Variants in SNTG1 observed in about 807,000 individuals in gnomAD.
The protein encoded by SNTG1 is syntrophin gamma 1.
SNTG1 carries 39 observed loss-of-function variants against 74.7 expected under a neutral mutation model. The ratio of observed to expected loss-of-function variants is 0.52; its 90% confidence interval spans 0.40 to 0.68. The LOEUF (loss-of-function observed/expected upper bound fraction) is 0.68, where lower values mean the gene tolerates loss of function less well. Ranked by LOEUF, SNTG1 falls within the 30% of genes least tolerant of loss-of-function variation. SNTG1 has a pLI of 0.00. For synonymous variants in SNTG1, 254 were observed against 217.1 expected (o/e 1.17, Z -1.49); for missense variants, 685 against 609.5 (o/e 1.12, Z -1.30).
chr8:50,348,788 T>C (rs2091559732), intron 2 of SNTG1, among the ~76,000 whole-genome samples: 1 of 152,226 alleles, frequency 6.6e-6, no homozygotes, highest in Non-Finnish European at 1.5e-5. Context: ...GGAAGGAATG[T>C]AAACAGAAAA....
chr8:50,168,810 A>G (rs1044483894), intron 1 of SNTG1, among the ~76,000 whole-genome samples: 9 of 152,322 alleles, frequency 5.9e-5, no homozygotes, highest in African/African-American at 2.2e-4. Context: ...TTGCAAAGAA[A>G]TCTACAGAGA....
intron 15 of SNTG1, among the ~76,000 whole-genome samples, chr8:50,669,670 A>G (rs946441456): frequency 2.8e-4 from 43 of 152,312 alleles, no homozygotes; most frequent in South Asian, 4.1e-4. Context: ...AAAAAGAGGG[A>G]ATCCTCCCTA....
intron 2 of SNTG1, among the ~76,000 whole-genome samples, chr8:50,340,250 A>G (rs1316464484): frequency 6.6e-6 from 1 of 152,050 alleles, no homozygotes; most frequent in African/African-American, 2.4e-5. Flanking sequence ...GCAAAAGCCC[A>G]GAATGGCTAA....
chr8:50,298,738 A>T (rs2089505307), intron 2 of SNTG1, among the ~76,000 whole-genome samples: 2 of 152,218 alleles, frequency 1.3e-5, no homozygotes, highest in Admixed American at 1.3e-4. Context: ...TTGTATGTGA[A>T]GAGTGAAATG....
At chr8:50,387,896 C>T (rs1459319540) in intron 2 of SNTG1, among the ~76,000 whole-genome samples, 4 of 152,104 alleles carry the variant, frequency 2.6e-5, no homozygotes, top group Non-Finnish European at 5.9e-5. Flanking sequence ...CACTCTACCA[C>T]CAAAGAAGAC....
At chr8:50,733,534 T>G (rs2131628676) in intron 17 of SNTG1, among the ~76,000 whole-genome samples, 1 of 152,188 alleles carries the variant, frequency 6.6e-6, no homozygotes, top group Admixed American at 6.6e-5. Context: ...TGGTGCAAAT[T>G]TACATTCCCA....
chr8:50,495,039 T>C (rs1421878588), intron 8 of SNTG1, among the ~76,000 whole-genome samples: 2 of 152,132 alleles, frequency 1.3e-5, no homozygotes, highest in Non-Finnish European at 2.9e-5. Context: ...CAAACATTAT[T>C]GCATAATTAT....
intron 8 of SNTG1, among the ~76,000 whole-genome samples, chr8:50,455,320 G>A (rs57692131): frequency 0.068 from 10,409 of 152,176 alleles, 414 homozygotes; most frequent in Middle Eastern, 0.15. Context: ...TCAGACTTGA[G>A]ATTTATGGGT....
chr8:50,240,447 C>T (rs1178440434), intron 2 of SNTG1, among the ~76,000 whole-genome samples: 1 of 152,176 alleles, frequency 6.6e-6, no homozygotes, highest in Admixed American at 6.6e-5. Context: ...TCTTTAGTTA[C>T]ATTTGAAATA....
At chr8:50,181,738 C>T (rs1453615842) in intron 2 of SNTG1, among the ~76,000 whole-genome samples, 1 of 152,058 alleles carries the variant, frequency 6.6e-6, no homozygotes, top group African/African-American at 2.4e-5. Context: ...TAACATTTCT[C>T]AGTGATGGAT....
At chr8:50,385,778 C>G (rs527506937) in intron 2 of SNTG1, among the ~76,000 whole-genome samples, 1 of 152,138 alleles carries the variant, frequency 6.6e-6, no homozygotes, top group African/African-American at 2.4e-5. Flanking sequence ...ATGCCAGGTA[C>G]CAAGGGATAT....
chr8:50,341,986 A>G (rs188575342), intron 2 of SNTG1, among the ~76,000 whole-genome samples: 1 of 152,170 alleles, frequency 6.6e-6, no homozygotes, highest in East Asian at 1.9e-4. Flanking sequence ...TTTCTATTCC[A>G]AATATTGTGC....
chr8:50,065,722 G>A (rs1820844293), intron 1 of SNTG1, among the ~76,000 whole-genome samples: 1 of 152,146 alleles, frequency 6.6e-6, no homozygotes, highest in African/African-American at 2.4e-5. Flanking sequence ...AAATATAGGA[G>A]CTTAAGTTCT....
intron 2 of SNTG1, among the ~76,000 whole-genome samples, chr8:50,241,255 A>G (rs2086150690): frequency 6.6e-6 from 1 of 152,216 alleles, no homozygotes; most frequent in South Asian, 2.1e-4. Context: ...CTACTGATTT[A>G]TGTGAACCTA....
chr8:50,779,045 G>T (rs200988162), intron 18 of SNTG1, among the ~76,000 whole-genome samples: 3 of 152,042 alleles, frequency 2.0e-5, no homozygotes, highest in Admixed American at 1.3e-4. Flanking sequence ...GGGCTCTGTT[G>T]TGTTCCATTG....
intron 2 of SNTG1, among the ~76,000 whole-genome samples, chr8:50,281,369 G>A (rs771200153): frequency 6.6e-6 from 1 of 152,244 alleles, no homozygotes; most frequent in Non-Finnish European, 1.5e-5. Context: ...TGGTTCATAG[G>A]GGGGTTCATT....
chr8:50,261,759 A>G (rs2087204065), intron 2 of SNTG1, among the ~76,000 whole-genome samples: 1 of 152,186 alleles, frequency 6.6e-6, no homozygotes, highest in African/African-American at 2.4e-5. Flanking sequence ...AGCCAATAAA[A>G]AAGTGAAAAA....
intron 2 of SNTG1, among the ~76,000 whole-genome samples, chr8:50,308,118 C>T (rs747400273): frequency 7.9e-5 from 12 of 151,458 alleles, no homozygotes; most frequent in African/African-American, 2.9e-4. Flanking sequence ...TTTGTTTTAT[C>T]GTTGTCCTGC....
intron 3 of SNTG1, among the ~76,000 whole-genome samples, chr8:50,398,479 CT>C (rs2092757440): frequency 6.6e-6 from 1 of 152,206 alleles, no homozygotes; most frequent in Non-Finnish European, 1.5e-5. Flanking sequence ...ATTTGTTCCT[CT>C]AATGATTGTT....
Sources: gnomAD v4.1 joint callset for allele counts (sites outside exome capture counted in the v4.1 genomes callset) on GRCh38, gnomAD v4.1.1 for gene constraint, MANE v1.5 for transcripts, NCBI Gene and HGNC (gene_info 2026-07-23, HGNC 2026-07-21) for gene names.